Variants in CTNNA3 observed in about 807,000 individuals in gnomAD.
CTNNA3 encodes catenin alpha-3.
Under a neutral mutation model 95.7 loss-of-function variants are expected in CTNNA3, and 76 were observed. The ratio of observed to expected loss-of-function variants is 0.79; its 90% CI spans 0.66 to 0.96. The LOEUF (loss-of-function observed/expected upper bound fraction) is 0.96, where lower values mean the gene tolerates loss of function less well. CTNNA3 is among the 40% of genes least tolerant of loss of function. The pLI is 0.00. For synonymous variants in CTNNA3, 431 were observed against 374.4 expected, an observed-to-expected ratio of 1.15 and a Z score of -1.74; for missense variants, 1,191 against 1,089.8, an observed-to-expected ratio of 1.09 and a Z score of -1.31.
intron 5 of CTNNA3, among the ~76,000 whole-genome samples, chr10:67,336,613 G>A (rs1002452580): frequency 2.6e-5 from 4 of 152,158 alleles, no homozygotes; most frequent in African/African-American, 9.7e-5. Flanking sequence ...ATTCCATCTA[G>A]GACTTTCAGA....
chr10:66,205,157 T>G (rs970192670), intron 13 of CTNNA3, among the ~76,000 whole-genome samples: 3 of 152,096 alleles, frequency 2.0e-5, no homozygotes, highest in African/African-American at 7.2e-5. Flanking sequence ...GTTTTGAACA[T>G]GAATATCTAT....
chr10:67,345,896 T>C (rs574366017), intron 5 of CTNNA3, among the ~76,000 whole-genome samples: 1 of 152,278 alleles, frequency 6.6e-6, no homozygotes, highest in South Asian at 2.1e-4. Context: ...TTTTGTGGTC[T>C]TCTCTTCCTT....
intron 12 of CTNNA3, among the ~76,000 whole-genome samples, chr10:66,367,969 T>A (rs2092725885): frequency 6.7e-6 from 1 of 149,688 alleles, no homozygotes; most frequent in East Asian, 1.9e-4. Context: ...TGTGGATCCA[T>A]TGCTTTCTGG....
chr10:67,424,436 C>T (rs1481875364), intron 5 of CTNNA3, among the ~76,000 whole-genome samples: 3 of 151,892 alleles, frequency 2.0e-5, no homozygotes, highest in Non-Finnish European at 2.9e-5. Flanking sequence ...GCTTTTCCTA[C>T]CAAACCATAA....
intron 7 of CTNNA3, among the ~76,000 whole-genome samples, chr10:66,822,152 T>A (rs191546774): frequency 4.5e-4 from 67 of 149,826 alleles, no homozygotes; most frequent in African/African-American, 1.6e-3. Context: ...ATATATAAAG[T>A]ATGTAATATG....
At chr10:67,629,671 A>G (rs1468825678) in intron 2 of CTNNA3, among the ~76,000 whole-genome samples, 1 of 152,220 alleles carries the variant, frequency 6.6e-6, no homozygotes, top group Non-Finnish European at 1.5e-5. Flanking sequence ...AAGGATAAGC[A>G]TCTGGCCTAC....
intron 12 of CTNNA3, among the ~76,000 whole-genome samples, chr10:66,349,675 G>A (rs2092552021): frequency 6.6e-6 from 1 of 152,002 alleles, no homozygotes; most frequent in Non-Finnish European, 1.5e-5. Flanking sequence ...ATTTCCATGA[G>A]AAAAATACCC....
At chr10:67,476,198 C>T (rs552140467) in intron 5 of CTNNA3, among the ~76,000 whole-genome samples, 221 of 152,254 alleles carry the variant, frequency 1.5e-3, no homozygotes, top group Non-Finnish European at 1.9e-3. Context: ...CCTGAGTCGT[C>T]CCCACCCACC....
At chr10:66,993,177 A>G (rs913760545) in intron 7 of CTNNA3, among the ~76,000 whole-genome samples, 31 of 152,146 alleles carry the variant, frequency 2.0e-4, no homozygotes, top group African/African-American at 6.8e-4. Flanking sequence ...GGGGTTTTCA[A>G]CTAAAGCCTT....
At chr10:67,330,453 T>A (rs1345183477) in intron 5 of CTNNA3, among the ~76,000 whole-genome samples, 1 of 152,138 alleles carries the variant, frequency 6.6e-6, no homozygotes, top group Non-Finnish European at 1.5e-5. Context: ...TTCGTACATA[T>A]AAAGCGATTG....
At chr10:67,135,377 C>T (rs1002626430) in intron 7 of CTNNA3, among the ~76,000 whole-genome samples, 5 of 152,064 alleles carry the variant, frequency 3.3e-5, no homozygotes, top group Non-Finnish European at 5.9e-5. Flanking sequence ...TATGCAGTAA[C>T]AACAATGGAC....
chr10:66,808,503 G>C (rs1312781626), intron 7 of CTNNA3, among the ~76,000 whole-genome samples: 3 of 152,178 alleles, frequency 2.0e-5, no homozygotes, highest in Non-Finnish European at 4.4e-5. Flanking sequence ...TGGTTTGGCA[G>C]TTACTCAAAA....
At chr10:66,681,462 A>T (rs537830374) in intron 9 of CTNNA3, among the ~76,000 whole-genome samples, 2 of 152,284 alleles carry the variant, frequency 1.3e-5, no homozygotes, top group Admixed American at 6.5e-5. Flanking sequence ...ACTGGCTCTT[A>T]AAAAATCAGA....
At chr10:66,429,723 C>T (rs892022677) in intron 11 of CTNNA3, among the ~76,000 whole-genome samples, 6 of 152,148 alleles carry the variant, frequency 3.9e-5, no homozygotes, top group Non-Finnish European at 8.8e-5. Flanking sequence ...TAAAAACTCT[C>T]AATAAATTAC....
At chr10:66,192,947 T>A (rs2086759496) in intron 13 of CTNNA3, among the ~76,000 whole-genome samples, 1 of 152,208 alleles carries the variant, frequency 6.6e-6, no homozygotes, top group Non-Finnish European at 1.5e-5. Context: ...TTATGTCACC[T>A]ATTTTATTCC....
intron 7 of CTNNA3, among the ~76,000 whole-genome samples, chr10:67,108,786 T>A (rs1319487286): frequency 6.6e-6 from 1 of 152,198 alleles, no homozygotes; most frequent in Non-Finnish European, 1.5e-5. Context: ...AAACTGGGAC[T>A]CTAATAGTTT....
At chr10:66,045,603 A>G (rs2079813333) in intron 15 of CTNNA3, among the ~76,000 whole-genome samples, 1 of 152,190 alleles carries the variant, frequency 6.6e-6, no homozygotes, top group South Asian at 2.1e-4. Context: ...AAAGTGGAAT[A>G]AAAAAAGAAA....
At chr10:67,172,433 T>C (rs1862059524) in intron 7 of CTNNA3, among the ~76,000 whole-genome samples, 1 of 152,210 alleles carries the variant, frequency 6.6e-6, no homozygotes. Flanking sequence ...ACAGTTTAGC[T>C]ATCTGTTATA....
chr10:67,509,424 A>G (rs1839535349), intron 5 of CTNNA3, among the ~76,000 whole-genome samples: 1 of 151,914 alleles, frequency 6.6e-6, no homozygotes, highest in African/African-American at 2.4e-5. Context: ...TCCCACCTAT[A>G]AGTGAGAACA....
Sources: gnomAD v4.1 joint callset for allele counts (sites outside exome capture counted in the v4.1 genomes callset) on GRCh38, gnomAD v4.1.1 for gene constraint, MANE v1.5 for transcripts, NCBI Gene and HGNC (gene_info 2026-07-23, HGNC 2026-07-21) for gene names.